The following PDE1C variants were observed in gnomAD, a reference collection of about 807,000 sequenced individuals.
PDE1C encodes the protein phosphodiesterase 1C, also known as dual specificity calcium/calmodulin-dependent 3',5'-cyclic nucleotide phosphodiesterase 1C.
PDE1C carries 62 observed loss-of-function variants against 93.1 expected under a neutral mutation model. The observed-to-expected ratio is 0.67, with a 90% CI of 0.54 to 0.82. The LOEUF (loss-of-function observed/expected upper bound fraction) is 0.82, where lower values mean the gene tolerates loss of function less well. Ranked by LOEUF, PDE1C falls within the 40% of genes least tolerant of loss-of-function variation. The probability of loss-of-function intolerance (pLI) is 0.00; values close to 1 mark genes in which losing one functional copy is unlikely to be tolerated. For synonymous variants in PDE1C, 325 were observed against 310.1 expected (o/e 1.05, Z -0.50); for missense variants, 742 against 884.6 (o/e 0.84, Z 2.04).
chr7:31,895,690 A>T (rs60611548), intron 2 of PDE1C, among the ~76,000 whole-genome samples: 2,802 of 151,620 alleles, frequency 0.018, 87 homozygotes, highest in African/African-American at 0.065. Context: ...CCACATGTCA[A>T]GGGAGGGACC....
the PDE1C span, among the ~76,000 whole-genome samples, chr7:31,730,358 T>C: frequency 6.6e-6 from 1 of 152,100 alleles, no homozygotes; most frequent in African/African-American, 2.4e-5. Context: ...CCCTCTGCCG[T>C]CTCCTCATTC....
At chr7:32,134,812 G>C (rs1283444211) in intron 3 of PDE1C, among the ~76,000 whole-genome samples, 1 of 152,066 alleles carries the variant, frequency 6.6e-6, no homozygotes. Flanking sequence ...AATGCATGTG[G>C]GGCTTAAAGC....
At chr7:31,922,234 C>A (rs575556940) in intron 2 of PDE1C, among the ~76,000 whole-genome samples, 3 of 152,232 alleles carry the variant, frequency 2.0e-5, no homozygotes, top group Middle Eastern at 6.8e-3. Flanking sequence ...TGTGTAGACT[C>A]TATTTAACAA....
chr7:31,879,893 G>C (rs1797036489), intron 3 of PDE1C, among the ~76,000 whole-genome samples: 1 of 152,126 alleles, frequency 6.6e-6, no homozygotes, highest in Non-Finnish European at 1.5e-5. Context: ...AGCTGCCAAT[G>C]TAAAGGTGTT....
intron 3 of PDE1C, among the ~76,000 whole-genome samples, chr7:32,148,331 G>A (rs1801033410): frequency 6.6e-6 from 1 of 151,946 alleles, no homozygotes; most frequent in African/African-American, 2.4e-5. Context: ...AAATATTTCA[G>A]TATGTAATTA....
intron 3 of PDE1C, among the ~76,000 whole-genome samples, chr7:32,126,541 T>C (rs1358406805): frequency 6.6e-6 from 1 of 152,184 alleles, no homozygotes. Flanking sequence ...ACACAGGATC[T>C]ATGAAAAACT....
At chr7:32,294,352 A>C (rs1361793655) in intron 1 of PDE1C, among the ~76,000 whole-genome samples, 1 of 152,184 alleles carries the variant, frequency 6.6e-6, no homozygotes, top group Non-Finnish European at 1.5e-5. Flanking sequence ...CAACACCAAT[A>C]GGTTCATTTT....
chr7:32,149,899 T>C (rs1042755017), intron 3 of PDE1C, among the ~76,000 whole-genome samples: 26 of 152,222 alleles, frequency 1.7e-4, no homozygotes, highest in African/African-American at 5.8e-4. Flanking sequence ...TCCACCCCCA[T>C]TGTGGGTAAT....
At chr7:31,830,718 C>T (rs75757273) in intron 11 of PDE1C, among the ~76,000 whole-genome samples, 1,959 of 152,144 alleles carry the variant, frequency 0.013, 19 homozygotes, top group Non-Finnish European at 0.022. Context: ...AATAACAGAA[C>T]GAGAGAAGGG....
At chr7:31,822,203 T>C (rs773944902) in intron 14 of PDE1C, among the ~76,000 whole-genome samples, 2 of 152,004 alleles carry the variant, frequency 1.3e-5, no homozygotes, top group Non-Finnish European at 2.9e-5. Flanking sequence ...AGGCATGCAA[T>C]AGATGTTAGC....
chr7:32,156,234 T>C (rs1375436086), intron 3 of PDE1C, among the ~76,000 whole-genome samples: 2 of 152,196 alleles, frequency 1.3e-5, no homozygotes, highest in Non-Finnish European at 2.9e-5. Flanking sequence ...ACCCATCACC[T>C]AGGTATTAAG....
the PDE1C span, among the ~76,000 whole-genome samples, chr7:31,640,862 C>T: frequency 6.6e-6 from 1 of 152,146 alleles, no homozygotes; most frequent in Non-Finnish European, 1.5e-5. Context: ...TTCTCAATCT[C>T]TCTAGGATTG....
At chr7:31,685,882 G>A in the PDE1C span, among the ~76,000 whole-genome samples, 1 of 152,084 alleles carries the variant, frequency 6.6e-6, no homozygotes, top group Admixed American at 6.5e-5. Context: ...AACACAAAAT[G>A]GAACAGGCAA....
chr7:31,871,286 A>T (rs1795923156), intron 6 of PDE1C, among the ~76,000 whole-genome samples: 1 of 152,052 alleles, frequency 6.6e-6, no homozygotes, highest in South Asian at 2.1e-4. Context: ...AGAGAATAAA[A>T]CACTTCAGGA....
In PDE1C at chr7:31,850,624, C is replaced by T. The variant is rs371851997; in HGVS notation, c.851+17G>A. 1.5e-5 allele frequency: 23 copies of T among 1,574,824 alleles called. No individual in the cohort carries two copies. The highest frequency in any genetic ancestry group is 1.7e-4 in the Middle Eastern group (1 of 5,978). ...TGACCCCTCTTGCCTCTCTTCCAAA[C>T]ATTTAAACACCCTCACCGAGTCTGA... On this transcript the variant is annotated intron_variant, in intron 8 of 17. Transcript: ENST00000396191.
intron 2 of PDE1C, among the ~76,000 whole-genome samples, chr7:32,196,267 C>T (rs1043393209): frequency 1.3e-5 from 2 of 152,102 alleles, no homozygotes; most frequent in Non-Finnish European, 2.9e-5. Flanking sequence ...GATGGGGCCA[C>T]AGCTTTTTCT....
the PDE1C span, chr7:31,707,885 C>G: frequency 0.1 from 15,547 of 152,260 alleles, 935 homozygotes; most frequent in East Asian, 0.24. Flanking sequence ...CCCACCATGC[C>G]TTGGCTGATG....
chr7:31,649,342 C>T, the PDE1C span, among the ~76,000 whole-genome samples: 1 of 152,132 alleles, frequency 6.6e-6, no homozygotes, highest in Admixed American at 6.5e-5. Flanking sequence ...GAGGAGTCCA[C>T]CTAGCTGTAA....
At position 31,751,841 on chromosome 7, in the gene PDE1C, A is replaced by AG. The variant is rs1348551866; in HGVS notation, c.*1542dup. 6.6e-6 allele frequency: 1 copy of AG among 152,236 alleles called. No homozygotes were observed. The highest frequency in any genetic ancestry group is 1.5e-5 in the Non-Finnish European group (1 of 68,042). 9.4% of individuals were successfully genotyped at this position (152,236 alleles called of 1,614,324 possible). ...CTGCAGTTTATTGGAAATGAACTGC[A>AG]GGGAATGAGAGAAGGAGAGGACACT... On this transcript the variant is annotated 3_prime_UTR_variant, in exon 18 of 18. Coordinates refer to ENST00000396191, the MANE Select transcript of PDE1C (RefSeq NM_001191057.4).
Sources: gnomAD v4.1 joint callset for allele counts (sites outside exome capture counted in the v4.1 genomes callset) on GRCh38, gnomAD v4.1.1 for gene constraint, MANE v1.5 for transcripts, NCBI Gene and HGNC (gene_info 2026-07-23, HGNC 2026-07-21) for gene names.